CPED1: variants seen among roughly 807,000 people sequenced by gnomAD.
The protein encoded by CPED1 is cadherin like and PC-esterase domain containing 1.
Under a neutral mutation model 128.2 loss-of-function variants are expected in CPED1, and 114 were observed. The observed-to-expected ratio is 0.89, with a 90% CI of 0.76 to 1.04. CPED1 has a LOEUF of 1.04. Among genes scored for constraint, CPED1 ranks in the 50% least tolerant of loss-of-function variants. CPED1 has a pLI of 0.00. For synonymous variants in CPED1, 462 were observed against 426.7 expected, an observed-to-expected ratio of 1.08 and a Z score of -1.02; for missense variants, 1,211 against 1,207.1, an observed-to-expected ratio of 1.00 and a Z score of -0.05.
intron 22 of CPED1, 74 bp downstream of exon 22, chr7:121,271,504 G>A (rs1405519219): frequency 7.1e-6 from 10 of 1,414,172 alleles, no homozygotes; most frequent in Non-Finnish European, 9.8e-6. Context: ...TAATTGTATT[G>A]TCAGTCTTAT....
intron 8 of CPED1, 45 bp downstream of exon 8, chr7:121,124,518 G>T (rs1795458305): frequency 2.2e-6 from 3 of 1,334,180 alleles, no homozygotes; most frequent in Admixed American, 3.1e-5. Context: ...AAGAAAGAAA[G>T]CAACCTATCT....
At chr7:121,141,173 T>C (rs576224752) in intron 15 of CPED1, among the ~76,000 whole-genome samples, 160 bp downstream of exon 15, 3 of 152,166 alleles carry the variant, frequency 2.0e-5, no homozygotes, top group African/African-American at 7.2e-5. Context: ...AAAAGATTTG[T>C]AACCTTTGCA....
intron 5 of CPED1, among the ~76,000 whole-genome samples, chr7:121,077,259 C>T (rs909214468): frequency 1.3e-5 from 2 of 151,956 alleles, no homozygotes; most frequent in African/African-American, 4.8e-5. Context: ...TTTCCTGTAT[C>T]CTTTTTAGGT....
chr7:121,158,786 C>T (rs1796348064), intron 16 of CPED1, among the ~76,000 whole-genome samples: 1 of 152,062 alleles, frequency 6.6e-6, no homozygotes, highest in South Asian at 2.1e-4. Flanking sequence ...AAACGATAGT[C>T]ATTTTCTATT....
chr7:121,118,380 G>C (rs1212857608), intron 7 of CPED1, among the ~76,000 whole-genome samples: 1 of 151,978 alleles, frequency 6.6e-6, no homozygotes, highest in African/African-American at 2.4e-5. Flanking sequence ...GGCCAACATG[G>C]TGAAACCTGT....
intron 18 of CPED1, among the ~76,000 whole-genome samples, chr7:121,252,440 T>A (rs975040535): frequency 1.3e-5 from 2 of 151,352 alleles, no homozygotes; most frequent in Non-Finnish European, 3.0e-5. Context: ...CCAAAAGCAA[T>A]GGCAACAAAA....
intron 18 of CPED1, among the ~76,000 whole-genome samples, chr7:121,261,037 C>T (rs967797930): frequency 2.6e-5 from 4 of 152,042 alleles, no homozygotes; most frequent in Admixed American, 1.3e-4. Flanking sequence ...AGATAGCCAC[C>T]AAATCTCCTT....
chr7:121,294,499 C>G (rs1584661028), intron 22 of CPED1, among the ~76,000 whole-genome samples: 1 of 152,050 alleles, frequency 6.6e-6, no homozygotes, highest in South Asian at 2.1e-4. Flanking sequence ...AAGGGACTTA[C>G]AAACAGATGC....
chr7:121,246,392 C>A (rs1032536618), intron 18 of CPED1, among the ~76,000 whole-genome samples: 1 of 152,206 alleles, frequency 6.6e-6, no homozygotes, highest in Non-Finnish European at 1.5e-5. Context: ...AAAGACCAGA[C>A]ACTTATTTCT....
At chr7:121,257,771 A>G (rs556108372) in intron 18 of CPED1, among the ~76,000 whole-genome samples, 1 of 152,212 alleles carries the variant, frequency 6.6e-6, no homozygotes, top group Admixed American at 6.6e-5. Flanking sequence ...TAAGACAAAT[A>G]AGTTCTCATC....
chr7:121,272,081 T>C (rs1056485457), intron 22 of CPED1, among the ~76,000 whole-genome samples: 1 of 152,056 alleles, frequency 6.6e-6, no homozygotes, highest in African/African-American at 2.4e-5. Flanking sequence ...TAACAAAAGG[T>C]CTCCAATCAC....
At chr7:121,087,483 A>G (rs1346862032) in intron 5 of CPED1, among the ~76,000 whole-genome samples, 1 of 152,142 alleles carries the variant, frequency 6.6e-6, no homozygotes, top group Non-Finnish European at 1.5e-5. Flanking sequence ...GAAGAGGGGT[A>G]TCTGTATTTT....
chr7:121,254,548 A>G (rs1250360891), intron 18 of CPED1, among the ~76,000 whole-genome samples: 1 of 152,064 alleles, frequency 6.6e-6, no homozygotes, highest in Admixed American at 6.6e-5. Context: ...AAAAAAATAA[A>G]TAACTAATGT....
At chr7:121,242,247 T>C (rs964313739) in intron 17 of CPED1, among the ~76,000 whole-genome samples, 3 of 152,326 alleles carry the variant, frequency 2.0e-5, no homozygotes, top group Admixed American at 2.0e-4. Flanking sequence ...TTTAGCATTA[T>C]AGTTAAGAGC....
At chr7:121,247,078 G>A (rs551515969) in intron 18 of CPED1, among the ~76,000 whole-genome samples, 45 of 152,316 alleles carry the variant, frequency 3.0e-4, no homozygotes, top group African/African-American at 7.2e-4. Flanking sequence ...AGGCCATGCC[G>A]CAGCAGCATG....
chr7:121,189,953 C>A (rs1797098076), intron 16 of CPED1, among the ~76,000 whole-genome samples: 1 of 151,172 alleles, frequency 6.6e-6, no homozygotes, highest in African/African-American at 2.4e-5. Context: ...AGACACCAGG[C>A]AACAACAGTG....
chr7:121,070,011 C>T (rs546343152), intron 5 of CPED1, among the ~76,000 whole-genome samples: 3 of 152,068 alleles, frequency 2.0e-5, no homozygotes, highest in Non-Finnish European at 4.4e-5. Flanking sequence ...TCAAAGATAG[C>T]ATTTTGAACA....
At chr7:121,085,828 C>T (rs747795295) in intron 5 of CPED1, among the ~76,000 whole-genome samples, 1 of 152,162 alleles carries the variant, frequency 6.6e-6, no homozygotes, top group African/African-American at 2.4e-5. Flanking sequence ...GTATTTTCTA[C>T]CATTTCCTAT....
chr7:121,187,471 G>C (rs114018944), intron 16 of CPED1, among the ~76,000 whole-genome samples: 1 of 152,130 alleles, frequency 6.6e-6, no homozygotes, highest in South Asian at 2.1e-4. Flanking sequence ...ATATGAAGAG[G>C]ATGGACAGGT....
Sources: allele counts gnomAD v4.1 joint callset (sites outside exome capture counted in the v4.1 genomes callset), GRCh38; gene constraint gnomAD v4.1.1; transcripts MANE v1.5; gene names NCBI Gene and HGNC (gene_info 2026-07-23, HGNC 2026-07-21).